Variants in ANO4 observed in about 807,000 individuals in gnomAD.
ANO4 encodes the protein anoctamin 4.
Under a neutral mutation model 141.9 loss-of-function variants are expected in ANO4, and 69 were observed. The observed-to-expected ratio is 0.49, with a 90% CI of 0.40 to 0.59. The LOEUF (loss-of-function observed/expected upper bound fraction) is 0.59. Ranked by LOEUF, ANO4 falls within the 20% of genes least tolerant of loss-of-function variation. The pLI is 0.00. For missense variants in ANO4, 894 were observed against 1,162.2 expected, an observed-to-expected ratio of 0.77 and a Z score of 3.36; for synonymous variants, 350 against 394.3, an observed-to-expected ratio of 0.89 and a Z score of 1.33.
At chr12:100,809,962 C>A (rs543913809) in intron 1 of ANO4, among the ~76,000 whole-genome samples, 1 of 152,222 alleles carries the variant, frequency 6.6e-6, no homozygotes, top group East Asian at 1.9e-4. Flanking sequence ...ATTAGAATCA[C>A]CTGTATGCTA....
chr12:101,030,963 A>C (rs1444957771), intron 9 of ANO4, among the ~76,000 whole-genome samples: 3 of 152,230 alleles, frequency 2.0e-5, no homozygotes, highest in Non-Finnish European at 4.4e-5. Flanking sequence ...CACCAAAAAA[A>C]GCCCAGGACC....
intron 26 of ANO4, among the ~76,000 whole-genome samples, chr12:101,126,673 C>T (rs2051328242): frequency 6.6e-6 from 1 of 152,180 alleles, no homozygotes; most frequent in Non-Finnish European, 1.5e-5. Flanking sequence ...CACCTTCCTT[C>T]CAGACTCCTC....
intron 2 of ANO4, among the ~76,000 whole-genome samples, chr12:100,912,220 A>C (rs1180028589): frequency 6.6e-6 from 1 of 151,696 alleles, no homozygotes; most frequent in Non-Finnish European, 1.5e-5. Context: ...ACATGGGGAA[A>C]TCCGTCTCTA....
At chr12:100,943,402 G>A (rs956961625) in intron 5 of ANO4, among the ~76,000 whole-genome samples, 2 of 152,206 alleles carry the variant, frequency 1.3e-5, no homozygotes, top group Non-Finnish European at 2.9e-5. Context: ...TTCTTTGTAT[G>A]ATACAGTTGC....
At chr12:100,818,083 G>A (rs1229716461) in intron 1 of ANO4, among the ~76,000 whole-genome samples, 2 of 151,464 alleles carry the variant, frequency 1.3e-5, no homozygotes, top group African/African-American at 2.4e-5. Context: ...CTTATAAAGT[G>A]TTTCCTAAAC....
chr12:100,931,612 C>G lies in ANO4; in HGVS notation c.161-7703C>G, dbSNP rs568250893. 7.2e-5 allele frequency among the ~76,000 whole-genome samples: 11 copies of G among 152,226 alleles called. 1 individual carries two copies. In the South Asian group the frequency reaches 2.3e-3, roughly 32 times the overall value. Reference sequence around the variant, plus strand: ...TTGAGAATGAAATGAGAAAATAGACCTGAAAATCATTAACACACAGCAGGC... The same window carrying G: ...TTGAGAATGAAATGAGAAAATAGACGTGAAAATCATTAACACACAGCAGGC... On this transcript the variant is annotated intron_variant, in intron 3 of 27. Coordinates refer to ENST00000392977, the MANE Select transcript of ANO4 (RefSeq NM_001286615.2).
chr12:101,078,430 T>C (rs1156520173), intron 14 of ANO4, among the ~76,000 whole-genome samples: 2 of 152,210 alleles, frequency 1.3e-5, no homozygotes, highest in African/African-American at 4.8e-5. Flanking sequence ...TGTTTCTCTT[T>C]TATTGCATAA....
At chr12:101,111,527 G>T in intron 23 of ANO4, 36 bp from the exon 24 acceptor site, 1 of 1,507,424 alleles carries the variant, frequency 6.6e-7, no homozygotes, top group South Asian at 1.3e-5. Context: ...CCTCTGTTTT[G>T]TGTATGGAAC....
intron 1 of ANO4, among the ~76,000 whole-genome samples, chr12:100,852,887 T>G (rs1310961660): frequency 6.6e-6 from 1 of 152,216 alleles, no homozygotes; most frequent in African/African-American, 2.4e-5. Context: ...GTTGGCAATT[T>G]AAATAAATCG....
At chr12:100,781,999 G>C (rs944195230) in intron 3 of ANO4, among the ~76,000 whole-genome samples, 1 of 152,212 alleles carries the variant, frequency 6.6e-6, no homozygotes, top group African/African-American at 2.4e-5. Flanking sequence ...TCTGGAAACT[G>C]TTCATCAGCT....
intron 3 of ANO4, among the ~76,000 whole-genome samples, chr12:100,929,128 C>G (rs1217487394): frequency 6.6e-6 from 1 of 152,020 alleles, no homozygotes; most frequent in Non-Finnish European, 1.5e-5. Context: ...TACAAACAAT[C>G]CAATTATACT....
In ANO4 at chr12:101,128,089, CA is replaced by C. The variant is rs1439575803; in HGVS notation, c.*235del. The stretch of plus-strand genomic sequence containing the variant: ...TATCTATCCATAGACCATTCTTGAC[CA>C]AGCAAGCATGCACATTATGGGCAGT... On this transcript the variant is annotated 3_prime_UTR_variant, in exon 28 of 28. Coordinates refer to ENST00000392977, the MANE Select transcript of ANO4 (RefSeq NM_001286615.2). 2.0e-5 allele frequency: 3 copies of C among 152,650 alleles called. No individual in the cohort carries two copies. Among genetic ancestry groups the C allele is most frequent in the Non-Finnish European group, 4.4e-5 (3 of 68,036 alleles). 9.5% of individuals were successfully genotyped at this position (152,650 alleles called of 1,614,324 possible).
chr12:101,029,559 A>G (rs1451043632), intron 9 of ANO4, among the ~76,000 whole-genome samples: 5 of 152,162 alleles, frequency 3.3e-5, no homozygotes, highest in South Asian at 2.1e-4. Flanking sequence ...CTTTAAACCA[A>G]TGAAGATCAA....
At chr12:101,050,432 C>T (rs2047812197) in intron 14 of ANO4, among the ~76,000 whole-genome samples, 1 of 152,138 alleles carries the variant, frequency 6.6e-6, no homozygotes. Context: ...AACAAACTAA[C>T]CCTAACAGAA....
At chr12:100,941,069 GT>G (rs894365707) in intron 4 of ANO4, among the ~76,000 whole-genome samples, 26 of 150,772 alleles carry the variant, frequency 1.7e-4, no homozygotes, top group South Asian at 4.2e-4. Context: ...ACTAACTCCA[GT>G]TTTTTTTTAA....
Position 100,940,078 on chromosome 12 carries a change from A to G in ANO4, c.297+627A>G, listed in dbSNP as rs192251971. On this transcript the variant is annotated intron_variant, in intron 4 of 27. Coordinates refer to ENST00000392977, the MANE Select transcript of ANO4 (RefSeq NM_001286615.2). ...CATATTCCTAAGGTTTTTATATTCCAGAGCTAGTTAACTGCTAAAAGGATG... is the reference window on the plus strand; with the variant it reads ...CATATTCCTAAGGTTTTTATATTCCGGAGCTAGTTAACTGCTAAAAGGATG... 5.5e-4 allele frequency among the ~76,000 whole-genome samples: 84 copies of G among 152,166 alleles called. No individual in the cohort carries two copies. The East Asian group carries it at 0.015, about 28-fold the overall frequency.
intron 3 of ANO4, among the ~76,000 whole-genome samples, chr12:100,771,313 C>G (rs1294457683): frequency 1.3e-5 from 2 of 152,136 alleles, no homozygotes; most frequent in Non-Finnish European, 2.9e-5. Flanking sequence ...CTGACTCTTG[C>G]ATAGACCAGA....
chr12:100,731,968 T>C lies in ANO4; in HGVS notation c.23-1806T>C, dbSNP rs542752708. ...AAGCTGCTAGGATATGCCACAGTTT[T>C]ATTTTCCATTCCTCTACGGAAGGAC... On this transcript the variant is annotated intron_variant, in intron 1 of 29. Transcript: ENST00000644049. Among the ~76,000 whole-genome samples the C allele has an allele frequency of 8.5e-5, 13 of 152,322 alleles. No homozygotes were observed. The South Asian group carries it at 1.7e-3, about 19-fold the overall frequency.
At chr12:101,120,694 A>G in intron 26 of ANO4, 69 bp downstream of exon 26, 1 of 1,226,106 alleles carries the variant, frequency 8.2e-7, no homozygotes. Flanking sequence ...ATGAATAAAA[A>G]TAAGTGATGG....
Sources: allele counts gnomAD v4.1 joint callset (sites outside exome capture counted in the v4.1 genomes callset), GRCh38; gene constraint gnomAD v4.1.1; transcripts MANE v1.5; gene names NCBI Gene and HGNC (gene_info 2026-07-23, HGNC 2026-07-21).